RBFOX1: variants seen among roughly 807,000 people sequenced by gnomAD.
RBFOX1 encodes the protein RNA binding fox-1 homolog 1.
Under a neutral mutation model 57.7 loss-of-function variants are expected in RBFOX1, and 8 were observed. That is an observed-to-expected ratio of 0.14 (90% confidence interval 0.08 to 0.25). The LOEUF is 0.25. Among genes scored for constraint, RBFOX1 ranks in the 10% least tolerant of loss-of-function variants. The probability of loss-of-function intolerance (pLI) is 1.00; values close to 1 mark genes in which losing one functional copy is unlikely to be tolerated. For missense variants in RBFOX1, 611 were observed against 548.5 expected (o/e 1.11, Z -1.14); for synonymous variants, 326 against 222.4 (o/e 1.47, Z -4.15).
intron 2 of RBFOX1, among the ~76,000 whole-genome samples, chr16:6,403,155 T>A (rs568137096): frequency 8.1e-4 from 123 of 152,250 alleles, no homozygotes; most frequent in African/African-American, 2.8e-3. Flanking sequence ...AGCATGAGTA[T>A]CACCTGGGAG....
At chr16:7,382,536 C>CT (rs2097796974) in intron 4 of RBFOX1, among the ~76,000 whole-genome samples, 1 of 152,188 alleles carries the variant, frequency 6.6e-6, no homozygotes, top group Admixed American at 6.5e-5. Context: ...GAGGAAATGG[C>CT]ATAACTCACC....
At chr16:6,997,205 G>A (rs917165481) in intron 3 of RBFOX1, among the ~76,000 whole-genome samples, 1 of 151,966 alleles carries the variant, frequency 6.6e-6, no homozygotes, top group Non-Finnish European at 1.5e-5. Flanking sequence ...ATAACTTTAA[G>A]GTTTCTTAAG....
intron 4 of RBFOX1, among the ~76,000 whole-genome samples, chr16:7,079,287 T>G: frequency 1.3e-5 from 2 of 152,112 alleles, no homozygotes; most frequent in East Asian, 3.9e-4. Context: ...GCTTGCAAAC[T>G]GAGGGTTGGG....
intron 2 of RBFOX1, among the ~76,000 whole-genome samples, chr16:6,421,176 A>C (rs773577594): frequency 1.5e-4 from 23 of 152,180 alleles, no homozygotes; most frequent in Non-Finnish European, 2.8e-4. Flanking sequence ...CAATTTCAGG[A>C]ATCCCAGGCT....
chr16:6,060,496 G>A (rs1024324853), intron 1 of RBFOX1, among the ~76,000 whole-genome samples: 36 of 152,270 alleles, frequency 2.4e-4, no homozygotes, highest in South Asian at 4.1e-4. Context: ...TCCTTGTCAT[G>A]CTTTTGGTTG....
chr16:6,200,186 A>T (rs141426554), intron 1 of RBFOX1, among the ~76,000 whole-genome samples: 81 of 152,274 alleles, frequency 5.3e-4, no homozygotes, highest in Admixed American at 3.8e-3. Context: ...GCTACCTAAG[A>T]CTTCTGGAAA....
At chr16:5,321,173 C>T (rs2064392621) in intron 1 of RBFOX1, among the ~76,000 whole-genome samples, 2 of 152,292 alleles carry the variant, frequency 1.3e-5, no homozygotes, top group South Asian at 4.1e-4. Context: ...TGCTGAACAG[C>T]ATCTCTGGCC....
chr16:7,100,503 T>G (rs995291855), intron 4 of RBFOX1, among the ~76,000 whole-genome samples: 1 of 151,830 alleles, frequency 6.6e-6, no homozygotes, highest in African/African-American at 2.4e-5. Context: ...TTCATACAAA[T>G]TATCTCATAA....
At chr16:5,454,418 G>A (rs148782976) in intron 1 of RBFOX1, among the ~76,000 whole-genome samples, 1 of 152,252 alleles carries the variant, frequency 6.6e-6, no homozygotes, top group Non-Finnish European at 1.5e-5. Context: ...TTGGACCACA[G>A]TGCCTAGATA....
intron 3 of RBFOX1, among the ~76,000 whole-genome samples, chr16:6,925,008 G>C (rs979785697): frequency 3.3e-5 from 5 of 149,820 alleles, no homozygotes; most frequent in African/African-American, 9.8e-5. Context: ...CCGTACAAAG[G>C]ACATGAACTC....
chr16:5,486,696 C>G (rs2042639259), intron 2 of RBFOX1, among the ~76,000 whole-genome samples: 1 of 152,170 alleles, frequency 6.6e-6, no homozygotes, highest in African/African-American at 2.4e-5. Context: ...TGCAAGTCTA[C>G]TTGAATCACC....
chr16:6,627,156 G>C (rs1279837764), intron 2 of RBFOX1, among the ~76,000 whole-genome samples: 4 of 152,106 alleles, frequency 2.6e-5, no homozygotes, highest in African/African-American at 9.7e-5. Flanking sequence ...CATCCAACCC[G>C]CATTACTCCT....
rs1040866109 is a variant in RBFOX1, at chr16:6,679,422, A to G, written c.-16+24772A>G. Among the ~76,000 whole-genome samples, 5 of 152,216 alleles carry G rather than the reference A, an allele frequency of 3.3e-5. No homozygotes were observed. The East Asian group carries it at 9.7e-4, about 29-fold the overall frequency. ...GGAGACTTCTCCATGCTTGCTGCAG[A>G]CATCATTGCAGTGCCTCGTTTCTTG... On this transcript the variant is annotated intron_variant, in intron 3 of 15. Transcript: ENST00000550418.
At chr16:5,624,873 G>GA (rs2048303631) in intron 3 of RBFOX1, among the ~76,000 whole-genome samples, 1 of 152,184 alleles carries the variant, frequency 6.6e-6, no homozygotes, top group African/African-American at 2.4e-5. Flanking sequence ...TGGGAGATGA[G>GA]AGGGGCTGTT....
At position 5,851,284 on chromosome 16, in the gene RBFOX1, C is replaced by G. The variant is rs561298207; in HGVS notation, c.319-16019C>G. Among the ~76,000 whole-genome samples, 115 of 152,294 alleles carry G rather than the reference C, an allele frequency of 7.6e-4. 1 individual carries two copies. The highest frequency in any genetic ancestry group is 2.6e-3 in the African/African-American group (109 of 41,568). ...TTACTGATCACGTCCTATCTGGAGA[C>G]AAGATGCTCTGCCCAGTGTGCAGTG... On this transcript the variant is annotated intron_variant, in intron 3 of 19. Coordinates refer to the RBFOX1 transcript ENST00000641259.
chr16:5,320,854 G>T (rs982476596), intron 1 of RBFOX1, among the ~76,000 whole-genome samples: 1 of 152,200 alleles, frequency 6.6e-6, no homozygotes, highest in Non-Finnish European at 1.5e-5. Context: ...GTTCTGGGCT[G>T]TGTGTGCGCA....
At position 7,332,412 on chromosome 16, in the gene RBFOX1, A is replaced by G. The variant is rs534955429; in HGVS notation, c.28-185735A>G. ...AAATTGCCACTTTAAATTTGAAATC[A>G]GAGAGAGAGCGGGAGGAAAACTAGA... On this transcript the variant is annotated intron_variant, in intron 4 of 15. Transcript: ENST00000550418. Among the ~76,000 whole-genome samples, 3 of 152,316 alleles carry G rather than the reference A, an allele frequency of 2.0e-5. No homozygotes were observed. The South Asian group carries it at 6.2e-4, about 32-fold the overall frequency.
chr16:6,988,430 G>C (rs2090758600), intron 3 of RBFOX1, among the ~76,000 whole-genome samples: 1 of 152,140 alleles, frequency 6.6e-6, no homozygotes, highest in African/African-American at 2.4e-5. Context: ...ATATGAAAGT[G>C]TTTTAAATAG....
intron 1 of RBFOX1, among the ~76,000 whole-genome samples, chr16:6,101,364 G>C (rs1467610113): frequency 1.3e-5 from 2 of 152,168 alleles, no homozygotes; most frequent in African/African-American, 4.8e-5. Flanking sequence ...TCCTCATACT[G>C]AACCAAGTCG....
Sources: allele counts gnomAD v4.1 joint callset (sites outside exome capture counted in the v4.1 genomes callset), GRCh38; gene constraint gnomAD v4.1.1; transcripts MANE v1.5; gene names NCBI Gene and HGNC (gene_info 2026-07-23, HGNC 2026-07-21).